PSMD13: variants seen among roughly 807,000 people sequenced by gnomAD.
PSMD13 encodes the protein proteasome 26S subunit, non-ATPase 13.
A neutral mutation model predicts 57.4 loss-of-function variants in PSMD13; 8 were observed. That is an observed-to-expected ratio of 0.14 (90% CI 0.08 to 0.25). PSMD13 has a LOEUF of 0.25. PSMD13 is among the 10% of genes least tolerant of loss of function. PSMD13 has a pLI of 1.00. For synonymous variants in PSMD13, 193 were observed against 168.2 expected, an observed-to-expected ratio of 1.15 and a Z score of -1.14; for missense variants, 400 against 461.5, an observed-to-expected ratio of 0.87 and a Z score of 1.22.
Position 247,260 on chromosome 11 carries a change from T to G in PSMD13, c.397-17T>G. ...TTTTAACTTAAAAAGAGAGATGATT[T>G]TCCTTCCTGTGTATAGGAAACAATT... On this transcript the variant is annotated splice_polypyrimidine_tract_variant and intron_variant, in intron 6 of 12. Transcript: ENST00000532097. 6.3e-7 allele frequency: 1 copy of G among 1,587,330 alleles called. No homozygotes were observed. The highest frequency in any genetic ancestry group is 8.6e-7 in the Non-Finnish European group (1 of 1,169,074).
intron 6 of PSMD13, among the ~76,000 whole-genome samples, chr11:245,641 C>CGTGTGTGTGTGT (rs4029226): frequency 1.6e-5 from 2 of 122,432 alleles, no homozygotes; most frequent in East Asian, 4.8e-4. Context: ...TGAACCAGAA[C>CGTGTGTGTGTGT]GTGTGTGTGT....
chr11:247,434 T>G lies in PSMD13; in HGVS notation c.554T>G (p.Ile185Ser), dbSNP rs1452579504. The change falls in exon 7 of 13, where the codon ATC becomes AGC. Residue 185 changes from isoleucine to serine, a missense_variant. Transcript: ENST00000532097. Reference sequence around the variant, plus strand: ...CTGCGGTTTTTGGGCTGTGTTGACATCAAGGATCTACCAGGTAACCTAGGC... The same window carrying G: ...CTGCGGTTTTTGGGCTGTGTTGACAGCAAGGATCTACCAGGTAACCTAGGC... ...DALRFLGCVD[I>S]KDLPVSEQQE... The G allele has an allele frequency of 1.1e-5, 17 of 1,612,262 alleles. No homozygotes were observed. The Admixed American group carries it at 2.7e-4, about 25-fold the overall frequency.
rs139389674 is a variant in PSMD13, at chr11:243,631, A to G, written c.175-410A>G. 2.2e-3 allele frequency: 804 copies of G among 373,042 alleles called. 1 individual carries two copies. The highest frequency in any genetic ancestry group is 3.7e-3 in the Admixed American group (110 of 29,970). 23.1% of individuals were successfully genotyped at this position (373,042 alleles called of 1,614,324 possible). ...CCTGGTAGGCTGGGGACCACACGGC[A>G]GCGCAGGCCATCTTCACAAGGGTCC... On this transcript the variant is annotated intron_variant, in intron 2 of 12. Coordinates refer to ENST00000532097, the MANE Select transcript of PSMD13 (RefSeq NM_002817.4).
rs1011506289 is a variant in PSMD13, at chr11:239,016, A to G, written c.114A>G (p.Thr38=). 10 of 1,614,036 alleles carry G rather than the reference A, an allele frequency of 6.2e-6. No homozygotes were observed. The highest frequency in any genetic ancestry group is 7.6e-6 in the Non-Finnish European group (9 of 1,180,022). Residue 38 remains threonine (T), a synonymous_variant, in exon 2 of 13, where the codon ACA becomes ACG. Transcript: ENST00000532097. ...LYTKKLWHQL[T]LQVLDFVQDP... Reference sequence around the variant, plus strand: ...TTTTCAGGTTGTGGCATCAGCTGACACTTCAGGTGCTTGATTTTGTGCAGG... The same window carrying G: ...TTTTCAGGTTGTGGCATCAGCTGACGCTTCAGGTGCTTGATTTTGTGCAGG...
At chr11:245,846 C>T (rs1859637056) in intron 6 of PSMD13, among the ~76,000 whole-genome samples, 1 of 152,002 alleles carries the variant, frequency 6.6e-6, no homozygotes, top group Non-Finnish European at 1.5e-5. Flanking sequence ...CAGTCCTAAC[C>T]CATATGCATA....
chr11:251,688 CT>C lies in PSMD13; in HGVS notation c.918+64del. On this transcript the variant is annotated intron_variant, in intron 11 of 12. Coordinates refer to ENST00000532097, the MANE Select transcript of PSMD13 (RefSeq NM_002817.4). The surrounding 1 kb of genome is among the most constrained non-coding windows in gnomAD (Gnocchi z 4.6). ...GCTGCCACATGGAGGAGTCAAGGCT[CT>C]TGTGTGAGCGCTGTGCTCCCTAGAC... The C allele has an allele frequency of 1.9e-6, 3 of 1,556,714 alleles. No individual in the cohort carries two copies. The highest frequency in any genetic ancestry group is 2.7e-6 in the Non-Finnish European group (3 of 1,130,876).
Position 247,427 on chromosome 11 carries a change from G to A in PSMD13, c.547G>A (p.Val183Ile). Residue 183 changes from valine to isoleucine, a missense_variant, in exon 7 of 13, where the codon GTT becomes ATT. By Grantham distance (29) the Val-to-Ile change is conservative. Transcript: ENST00000532097. ...AGATGCTCTGCGGTTTTTGGGCTGT[G>A]TTGACATCAAGGATCTACCAGGTAA... The part of the protein sequence containing the change: ...YKDALRFLGC[V>I]DIKDLPVSEQ... 1 of 1,613,788 alleles carries A rather than the reference G, an allele frequency of 6.2e-7. No individual in the cohort carries two copies. Among genetic ancestry groups the A allele is most frequent in the Non-Finnish European group, 8.5e-7 (1 of 1,179,854 alleles).
At chr11:248,516 G>A in intron 7 of PSMD13, 1 of 482,692 alleles carries the variant, frequency 2.1e-6, no homozygotes, top group Non-Finnish European at 3.7e-6. Flanking sequence ...CCTGGAAGTG[G>A]CACAGCTGAA....
rs139112318 is a variant in PSMD13, at chr11:246,876, G to C, written c.397-401G>C. 7.4e-4 allele frequency among the ~76,000 whole-genome samples: 113 copies of C among 152,220 alleles called. 3 individuals are homozygous for C. The East Asian group carries it at 0.021, about 29-fold the overall frequency. On this transcript the variant is annotated intron_variant, in intron 6 of 12. Transcript: ENST00000532097. ...AATGTCTTTTGCCCATTTTTCTACTGTGTTGCTTGTCTCCTGACTCATTTG... is the reference window on the plus strand; with the variant it reads ...AATGTCTTTTGCCCATTTTTCTACTCTGTTGCTTGTCTCCTGACTCATTTG...
chr11:244,349 A>G, intron 4 of PSMD13, 77 bp from the exon 5 acceptor site: 3 of 1,579,534 alleles, frequency 1.9e-6, no homozygotes, highest in Non-Finnish European at 2.6e-6. Flanking sequence ...AAACCTAAAG[A>G]TTACCCTACC....
intron 9 of PSMD13, among the ~76,000 whole-genome samples, chr11:249,724 C>T (rs1308882260): frequency 5.9e-5 from 9 of 152,042 alleles, no homozygotes; most frequent in African/African-American, 2.2e-4. Context: ...GGGAAAGGTG[C>T]TCAACAAGGG....
chr11:238,747 G>T (rs751829759), intron 1 of PSMD13, among the ~76,000 whole-genome samples: 1 of 152,168 alleles, frequency 6.6e-6, no homozygotes, highest in Admixed American at 6.5e-5. Context: ...AAATATTTGC[G>T]ATATATACTT....
intron 6 of PSMD13, among the ~76,000 whole-genome samples, chr11:245,004 A>C (rs1859601412): frequency 6.7e-6 from 1 of 149,386 alleles, no homozygotes; most frequent in African/African-American, 2.5e-5. Context: ...GCAATGGTGC[A>C]ATCTCGGCCC....
chr11:252,291 GCTTT>G lies in PSMD13; in HGVS notation c.1036-208_1036-205del. ...CTGTGGATTTCCTCTGTCCTTGTCT[GCTTT>G]CTTTCATGCAAGTTTTTTCTAACGT... On this transcript the variant is annotated intron_variant, in intron 12 of 12. Transcript: ENST00000532097. The surrounding 1 kb of genome is among the most constrained non-coding windows in gnomAD (Gnocchi z 4.1). 1 of 554,068 alleles carries G rather than the reference GCTTT, an allele frequency of 1.8e-6. No homozygotes were observed. The highest frequency in any genetic ancestry group is 2.2e-5 in the South Asian group (1 of 45,698). 34.3% of individuals were successfully genotyped at this position (554,068 alleles called of 1,614,324 possible).
chr11:240,873 C>T (rs1308260464), intron 2 of PSMD13, among the ~76,000 whole-genome samples: 3 of 152,036 alleles, frequency 2.0e-5, no homozygotes, highest in Non-Finnish European at 2.9e-5. Context: ...TTCTTATCAC[C>T]CAGGCTGGAG....
chr11:247,337 A>T lies in PSMD13; in HGVS notation c.457A>T (p.Ser153Cys). ...NNLPGVTSVH[S>C]RFYDLSSKYY... The stretch of plus-strand genomic sequence containing the variant: ...CCTTCCTGGTGTGACATCGGTTCAC[A>T]GTCGTTTCTATGATCTCTCCAGTAA... Residue 153 changes from serine to cysteine, a missense_variant, in exon 7 of 13, where the codon AGT (serine) becomes TGT (cysteine). By Grantham distance (112) the Ser-to-Cys change is moderately radical (BLOSUM62 -1). Transcript: ENST00000532097. 1 of 1,614,216 alleles carries T rather than the reference A, an allele frequency of 6.2e-7. No homozygotes were observed. Among genetic ancestry groups the T allele is most frequent in the Non-Finnish European group, 8.5e-7 (1 of 1,180,020 alleles).
intron 4 of PSMD13, 67 bp from the exon 5 acceptor site, chr11:244,359 C>G: frequency 1.9e-6 from 3 of 1,582,278 alleles, no homozygotes; most frequent in South Asian, 2.2e-5. Context: ...ATTACCCTAC[C>G]TAAGGGTGTC....
In PSMD13 at chr11:244,778, A is replaced by G; in HGVS notation, c.396+17A>G. On this transcript the variant is annotated intron_variant, in intron 6 of 12. Coordinates refer to ENST00000532097, the MANE Select transcript of PSMD13 (RefSeq NM_002817.4). ...GTTACAAAGGTGAGATCACCATAATACAGATTTATCTTTGGTTTAAAATTA... is the reference window on the plus strand; with the variant it reads ...GTTACAAAGGTGAGATCACCATAATGCAGATTTATCTTTGGTTTAAAATTA... 1 of 1,541,802 alleles carries G rather than the reference A, an allele frequency of 6.5e-7. No individual in the cohort carries two copies. The highest frequency in any genetic ancestry group is 8.9e-7 in the Non-Finnish European group (1 of 1,128,932).
chr11:239,767 A>G (rs1452120257), intron 2 of PSMD13, among the ~76,000 whole-genome samples: 1 of 152,000 alleles, frequency 6.6e-6, no homozygotes, highest in African/African-American at 2.4e-5. Context: ...GAATTTGCTC[A>G]CTGGTAGCCT....
Sources: allele counts gnomAD v4.1 joint callset (sites outside exome capture counted in the v4.1 genomes callset), GRCh38; gene constraint gnomAD v4.1.1; non-coding constraint Gnocchi (gnomAD v3.1); transcripts MANE v1.5; gene names NCBI Gene and HGNC (gene_info 2026-07-23, HGNC 2026-07-21).